The following PDE8A variants were observed in gnomAD, a reference collection of about 807,000 sequenced individuals.
PDE8A encodes the protein high affinity cAMP-specific and IBMX-insensitive 3',5'-cyclic phosphodiesterase 8A.
A neutral mutation model predicts 105.0 loss-of-function variants in PDE8A; 59 were observed. The observed-to-expected ratio is 0.56, with a 90% CI of 0.46 to 0.70. PDE8A has a LOEUF of 0.70. Among genes scored for constraint, PDE8A ranks in the 30% least tolerant of loss-of-function variants. The pLI is 0.00. For missense variants in PDE8A, 1,014 were observed against 1,045.9 expected, an observed-to-expected ratio of 0.97 and a Z score of 0.42; for synonymous variants, 355 against 371.9, an observed-to-expected ratio of 0.95 and a Z score of 0.52.
At chr15:85,071,943 A>G (rs1246202646) in intron 3 of PDE8A, among the ~76,000 whole-genome samples, 2 of 152,232 alleles carry the variant, frequency 1.3e-5, no homozygotes, top group Admixed American at 1.3e-4. Flanking sequence ...GAGGTGCAGC[A>G]GTATTTCTTG....
At position 85,091,082 on chromosome 15, in the gene PDE8A, G is replaced by C. The variant is rs1284017770; in HGVS notation, c.753G>C (p.Gln251His). 1 of 1,612,500 alleles carries C rather than the reference G, an allele frequency of 6.2e-7. No homozygotes were observed. The highest frequency in any genetic ancestry group is 2.2e-5 in the East Asian group (1 of 44,860). ...CATTTGAAACAACAATGGGCTATCA[G>C]TCAGGTGAATTAATAGGGAAGGAGT... is the stretch of plus-strand genomic sequence containing the variant. The part of the protein sequence containing the change: ...NPAFETTMGY[Q>H]SGELIGKELG... Residue 251 changes from glutamine to histidine, a missense_variant, in exon 8 of 22, where the codon CAG (glutamine) becomes CAC (histidine). Transcript: ENST00000394553.
In PDE8A at chr15:85,101,431, A is replaced by G. The variant is rs567552025; in HGVS notation, c.1036+1233A>G. Among the ~76,000 whole-genome samples the G allele has an allele frequency of 2.0e-4, 30 of 152,320 alleles. No homozygotes were observed. The East Asian group carries it at 5.6e-3, about 28-fold the overall frequency. ...ATAAAAACAGGCATAGAAGGGGGAAAGTACAGGGCATGTTCCAGAAAAAGC... is the reference window on the plus strand; with the variant it reads ...ATAAAAACAGGCATAGAAGGGGGAAGGTACAGGGCATGTTCCAGAAAAAGC... On this transcript the variant is annotated intron_variant, in intron 11 of 21. Transcript: ENST00000394553.
intron 1 of PDE8A, among the ~76,000 whole-genome samples, chr15:84,991,338 C>G (rs1477052512): frequency 6.6e-6 from 1 of 152,140 alleles, no homozygotes; most frequent in Non-Finnish European, 1.5e-5. Flanking sequence ...TTGGGACAGG[C>G]ACAGCACTAA....
At chr15:85,129,530 C>G (rs888969068) in intron 20 of PDE8A, among the ~76,000 whole-genome samples, 1 of 152,114 alleles carries the variant, frequency 6.6e-6, no homozygotes, top group African/African-American at 2.4e-5. Flanking sequence ...CTCTTATAAT[C>G]CTTTTTATTT....
intron 2 of PDE8A, among the ~76,000 whole-genome samples, chr15:85,066,607 C>CACACAT (rs1555472854): frequency 0.022 from 1,617 of 72,242 alleles, 64 homozygotes; most frequent in African/African-American, 0.14. Flanking sequence ...CACACACACA[C>CACACAT]ACACACACAC....
intron 1 of PDE8A, among the ~76,000 whole-genome samples, chr15:85,022,823 G>C (rs2080451168): frequency 6.6e-6 from 1 of 152,074 alleles, no homozygotes. Context: ...TAAGTGCTGG[G>C]ATTACAGGCG....
intron 5 of PDE8A, 59 bp downstream of exon 5, chr15:85,076,846 C>G: frequency 1.9e-6 from 2 of 1,061,882 alleles, no homozygotes; most frequent in Non-Finnish European, 3.0e-6. Flanking sequence ...TATTTTATCT[C>G]AGTTCAGTAC....
rs549881223 is a variant in PDE8A at position 85,115,454 on chromosome 15, C to G, written c.1366C>G (p.Leu456Val). Reference sequence around the variant, plus strand: ...TTTTTATCAGGATGGTTTGCGAAGACTATCAGGGAATGAATATGTTCTTTC... The same window carrying G: ...TTTTTATCAGGATGGTTTGCGAAGAGTATCAGGGAATGAATATGTTCTTTC... ...GGLMSDGLRRLSGNEYVLSTK... is the reference protein window; with the variant it reads ...GGLMSDGLRRVSGNEYVLSTK... Residue 456 changes from leucine to valine, a missense_variant, in exon 15 of 22, where the codon CTA becomes GTA. By Grantham distance (32) the Leu-to-Val change is conservative. Transcript: ENST00000394553. The G allele has an allele frequency of 6.5e-7, 1 of 1,542,586 alleles. No homozygotes were observed. The highest frequency in any genetic ancestry group is 8.7e-7 in the Non-Finnish European group (1 of 1,144,824).
chr15:85,059,688 C>T (rs1383201105), intron 1 of PDE8A, among the ~76,000 whole-genome samples: 1 of 152,118 alleles, frequency 6.6e-6, no homozygotes, highest in African/African-American at 2.4e-5. Context: ...CATCCTTTCA[C>T]TTTCTATTTT....
chr15:85,041,056 T>C (rs559993449), intron 1 of PDE8A, among the ~76,000 whole-genome samples: 76 of 152,286 alleles, frequency 5.0e-4, no homozygotes, highest in Non-Finnish European at 1.1e-3. Context: ...CAGATCTTTG[T>C]GAATAGGCCC....
At chr15:85,020,693 C>T (rs1271325802) in intron 1 of PDE8A, among the ~76,000 whole-genome samples, 1 of 152,158 alleles carries the variant, frequency 6.6e-6, no homozygotes, top group African/African-American at 2.4e-5. Flanking sequence ...AGAATTCCTG[C>T]GTAGTCTCTA....
At chr15:84,981,097 C>A (rs1416596152), upstream of PDE8A, among the ~76,000 whole-genome samples, 1 of 152,254 alleles carries the variant, frequency 6.6e-6, no homozygotes, top group Non-Finnish European at 1.5e-5. Context: ...GGTGACCCCA[C>A]CGAGGTCAAG....
At chr15:85,118,615 C>T (rs1363476438) in intron 17 of PDE8A, among the ~76,000 whole-genome samples, 1 of 152,256 alleles carries the variant, frequency 6.6e-6, no homozygotes, top group African/African-American at 2.4e-5. Context: ...CTCTACAGCT[C>T]TCCACACTCA....
rs550921112 is a variant in PDE8A, at chr15:85,047,935, G to A, written c.187-16435G>A. On this transcript the variant is annotated intron_variant, in intron 1 of 21. Coordinates refer to ENST00000394553, the MANE Select transcript of PDE8A (RefSeq NM_002605.3). The stretch of plus-strand genomic sequence containing the variant: ...TGTCTTTATATTTATTTTCCTTACC[G>A]GTTTCCTTAAGTTTGTACTGTTGAT... Among the ~76,000 whole-genome samples the A allele has an allele frequency of 3.3e-5, 5 of 151,996 alleles. No individual in the cohort carries two copies. The East Asian group carries it at 7.7e-4, about 23-fold the overall frequency.
chr15:85,076,690 T>G (rs2081384741), intron 4 of PDE8A, 43 bp from the exon 5 acceptor site: 3 of 1,208,492 alleles, frequency 2.5e-6, no homozygotes, highest in Non-Finnish European at 3.7e-6. Flanking sequence ...GAGATGTAAT[T>G]GATAAAAACT....
intron 18 of PDE8A, among the ~76,000 whole-genome samples, chr15:85,122,733 G>C (rs2082200925): frequency 6.6e-6 from 1 of 152,154 alleles, no homozygotes; most frequent in African/African-American, 2.4e-5. Context: ...CATTCTATGG[G>C]CACTAAAATG....
chr15:84,990,542 A>G (rs112382322), intron 1 of PDE8A, among the ~76,000 whole-genome samples: 73 of 152,328 alleles, frequency 4.8e-4, no homozygotes, highest in African/African-American at 1.7e-3. Flanking sequence ...AGATTCTTCT[A>G]TGCTGCACGA....
chr15:85,008,980 C>T (rs2080194672), intron 1 of PDE8A, among the ~76,000 whole-genome samples: 1 of 152,146 alleles, frequency 6.6e-6, no homozygotes, highest in South Asian at 2.1e-4. Context: ...CCTGTTCTGA[C>T]ACTGGGCCCA....
intron 1 of PDE8A, among the ~76,000 whole-genome samples, chr15:84,988,761 T>C (rs1032270725): frequency 2.6e-5 from 4 of 152,238 alleles, no homozygotes; most frequent in Non-Finnish European, 5.9e-5. Flanking sequence ...TGGGACCTGC[T>C]CCTGTATCCG....
Sources: gnomAD v4.1 joint callset for allele counts (sites outside exome capture counted in the v4.1 genomes callset) on GRCh38, gnomAD v4.1.1 for gene constraint, MANE v1.5 for transcripts, NCBI Gene and HGNC (gene_info 2026-07-23, HGNC 2026-07-21) for gene names.